PAQR8: variants seen among roughly 807,000 people sequenced by gnomAD.
PAQR8 encodes the protein membrane progestin receptor beta.
Under a neutral mutation model 25.2 loss-of-function variants are expected in PAQR8, and 17 were observed. That is an observed-to-expected ratio of 0.67 (90% confidence interval 0.46 to 1.01). The LOEUF (loss-of-function observed/expected upper bound fraction) is 1.01. Ranked by LOEUF, PAQR8 falls within the 50% of genes least tolerant of loss-of-function variation. The pLI is 0.00. For missense variants in PAQR8, 392 were observed against 448.4 expected (o/e 0.87, Z 1.14); for synonymous variants, 204 against 190.6 (o/e 1.07, Z -0.58).
chr6:52,387,119 T>TA (rs1386751037), intron 1 of PAQR8, among the ~76,000 whole-genome samples: 1 of 152,148 alleles, frequency 6.6e-6, no homozygotes, highest in East Asian at 1.9e-4. Flanking sequence ...TTACTACTTC[T>TA]AATTACAGAA....
intron 1 of PAQR8, among the ~76,000 whole-genome samples, chr6:52,376,398 G>A (rs62407860): frequency 0.12 from 18,607 of 152,210 alleles, 1,229 homozygotes; most frequent in Middle Eastern, 0.21. Context: ...GTATGCACTG[G>A]TGTGGTTTTC....
chr6:52,367,140 T>C (rs1426553913), intron 1 of PAQR8, among the ~76,000 whole-genome samples: 2 of 152,074 alleles, frequency 1.3e-5, no homozygotes, highest in Non-Finnish European at 2.9e-5. Flanking sequence ...TTTTTGATTG[T>C]CATACCTGGA....
At chr6:52,379,674 T>G (rs1162841621) in intron 1 of PAQR8, among the ~76,000 whole-genome samples, 1 of 143,336 alleles carries the variant, frequency 7.0e-6, no homozygotes, top group African/African-American at 2.6e-5. Context: ...TCCCCCAGGC[T>G]GGAGTGCAGT....
chr6:52,378,800 G>T (rs556393158), intron 1 of PAQR8, among the ~76,000 whole-genome samples: 2 of 146,070 alleles, frequency 1.4e-5, no homozygotes, highest in South Asian at 2.2e-4. Context: ...AAAAAAAAAG[G>T]GGGGGAAGAA....
intron 1 of PAQR8, among the ~76,000 whole-genome samples, chr6:52,396,185 C>T (rs1763765282): frequency 6.6e-6 from 1 of 152,148 alleles, no homozygotes; most frequent in Non-Finnish European, 1.5e-5. Context: ...ATGAAGAAAA[C>T]TGGGAGAGGC....
intron 1 of PAQR8, among the ~76,000 whole-genome samples, chr6:52,386,033 A>G (rs1160471337): frequency 6.6e-6 from 1 of 152,248 alleles, no homozygotes; most frequent in African/African-American, 2.4e-5. Flanking sequence ...AAAGTGGGCA[A>G]AGGAAATGAG....
rs889993113 is a variant in PAQR8 at position 52,404,373 on chromosome 6, A to G, written c.*95A>G. 54 of 1,122,382 alleles carry G rather than the reference A, an allele frequency of 4.8e-5. No homozygotes were observed. The highest frequency in any genetic ancestry group is 2.6e-5 in the Non-Finnish European group (21 of 799,892). 69.5% of individuals were successfully genotyped at this position (1,122,382 alleles called of 1,614,324 possible). ...TGACTTTTAAGGCATTGGCTTTTAA[A>G]TTAATACATATATCCAAGGATATGT... On this transcript the variant is annotated 3_prime_UTR_variant, in exon 2 of 2. Coordinates refer to ENST00000442253, the MANE Select transcript of PAQR8 (RefSeq NM_133367.5).
chr6:52,404,284 G>C lies in PAQR8; in HGVS notation c.*6G>C. ...TGACCAAGAAAGATTCCTGAGGCTGGCAAGTGGGGCAACGTGTGGAGGAAG... is the reference window on the plus strand; with the variant it reads ...TGACCAAGAAAGATTCCTGAGGCTGCCAAGTGGGGCAACGTGTGGAGGAAG... On this transcript the variant is annotated 3_prime_UTR_variant, in exon 2 of 2. Coordinates refer to ENST00000442253, the MANE Select transcript of PAQR8 (RefSeq NM_133367.5). 1 of 1,573,782 alleles carries C rather than the reference G, an allele frequency of 6.4e-7. No homozygotes were observed. The highest frequency in any genetic ancestry group is 8.7e-7 in the Non-Finnish European group (1 of 1,152,350).
Position 52,362,265 on chromosome 6 carries a change from G to C in PAQR8, c.-53+16G>C, listed in dbSNP as rs1490909026. 1 of 152,212 alleles carries C rather than the reference G, an allele frequency of 6.6e-6. No homozygotes were observed. Among genetic ancestry groups the C allele is most frequent in the Non-Finnish European group, 1.5e-5 (1 of 68,074 alleles). 9.4% of individuals were successfully genotyped at this position (152,212 alleles called of 1,614,324 possible). A position where few individuals can be genotyped will look rare whatever the true frequency, so the allele number is the denominator to read the frequency against. The stretch of plus-strand genomic sequence containing the variant: ...GCCCCTGCCGGTGAGTCCCGCCGCG[G>C]GAGGCGCGGAACGGGTCGAGTTGGG... On this transcript the variant is annotated intron_variant, in intron 1 of 1. Transcript: ENST00000442253. The surrounding 1 kb of genome is among the most constrained non-coding windows in gnomAD (Gnocchi z 4.1).
In PAQR8 at chr6:52,362,780, G is replaced by A. The variant is rs1763305724; in HGVS notation, c.-53+531G>A. Among the ~76,000 whole-genome samples, 1 of 152,184 alleles carries A rather than the reference G, an allele frequency of 6.6e-6. No homozygotes were observed. The highest frequency in any genetic ancestry group is 1.5e-5 in the Non-Finnish European group (1 of 68,024). On this transcript the variant is annotated intron_variant, in intron 1 of 1. Coordinates refer to ENST00000442253, the MANE Select transcript of PAQR8 (RefSeq NM_133367.5). This position sits in a 1 kb window ranked among gnomAD's most constrained non-coding sequence, Gnocchi z 4.1. ...GAGGAGAGGAAGCCCGGGGCGGTAG[G>A]GAGAGCCCGAGGAAGGGCAGCCCGA...
intron 1 of PAQR8, among the ~76,000 whole-genome samples, chr6:52,375,910 G>C (rs768589066): frequency 3.3e-5 from 5 of 152,216 alleles, no homozygotes; most frequent in Non-Finnish European, 7.3e-5. Flanking sequence ...TCAGTGGTTT[G>C]TCAGTAAGAC....
intron 1 of PAQR8, among the ~76,000 whole-genome samples, chr6:52,402,617 C>CAAAAAAAAAAAA (rs5876274): frequency 8.6e-6 from 1 of 115,888 alleles, no homozygotes; most frequent in Non-Finnish European, 1.7e-5. Context: ...AACTCTGTCT[C>CAAAAAAAAAAAA]AAAAAAAAAA....
intron 1 of PAQR8, among the ~76,000 whole-genome samples, chr6:52,373,857 C>T (rs1020201058): frequency 2.6e-5 from 4 of 151,630 alleles, no homozygotes; most frequent in Admixed American, 6.6e-5. Context: ...CTAGTTGATA[C>T]GGTTTAGATC....
rs1763902732 is a variant in PAQR8, at chr6:52,405,963, A to G, written c.*1685A>G. ...CAATCTATTTTGGCCACAAACAAAC[A>G]TATTCAACTGAAGCTTTCCAATAAT... On this transcript the variant is annotated 3_prime_UTR_variant, in exon 2 of 2. Transcript: ENST00000442253. 6.0e-6 allele frequency: 1 copy of G among 166,920 alleles called. No individual in the cohort carries two copies. The highest frequency in any genetic ancestry group is 1.5e-5 in the Non-Finnish European group (1 of 68,148). The allele number at this position is 166,920 out of a possible 1,614,324, so 10.3% of individuals were successfully genotyped here. A position where few individuals can be genotyped will look rare whatever the true frequency, so the allele number is the denominator to read the frequency against.
At chr6:52,389,988 C>A (rs1763681469) in intron 1 of PAQR8, among the ~76,000 whole-genome samples, 1 of 152,142 alleles carries the variant, frequency 6.6e-6, no homozygotes, top group Non-Finnish European at 1.5e-5. Flanking sequence ...TGTAGAAAGT[C>A]CAGGGAGACA....
chr6:52,402,812 A>C (rs923194387), intron 1 of PAQR8, among the ~76,000 whole-genome samples: 7 of 152,026 alleles, frequency 4.6e-5, no homozygotes, highest in African/African-American at 1.4e-4. Flanking sequence ...CTGGTGGCTC[A>C]CGCCTGTAAT....
intron 1 of PAQR8, among the ~76,000 whole-genome samples, chr6:52,367,259 A>C (rs1763364670): frequency 6.6e-6 from 1 of 152,226 alleles, no homozygotes; most frequent in Non-Finnish European, 1.5e-5. Flanking sequence ...GGTTCAAAAC[A>C]TCAGTAGTGC....
chr6:52,379,619 C>CTTTTTTTTTTTTTTTT lies in PAQR8; in HGVS notation c.-53+17380_-53+17395dup, dbSNP rs909812638. On this transcript the variant is annotated intron_variant, in intron 1 of 1. Transcript: ENST00000442253. Reference sequence around the variant, plus strand: ...GGTGCGTACCGCCACACCCAGCTTTCTTTTTTTTTTTTTTTTTTTTTTTTT... The same window carrying CTTTTTTTTTTTTTTTT: ...GGTGCGTACCGCCACACCCAGCTTTCTTTTTTTTTTTTTTTTTTTTTTTTTTTTTTTTTTTTTTTTT... Among the ~76,000 whole-genome samples the CTTTTTTTTTTTTTTTT allele has an allele frequency of 8.0e-4, 62 of 77,222 alleles. 5 individuals carry two copies. The highest frequency in any genetic ancestry group is 8.1e-3 in the Middle Eastern group (1 of 124). The allele number at this position is 77,222 out of a possible 152,430, so 50.7% of individuals were successfully genotyped here.
chr6:52,387,308 C>T (rs1249404076), intron 1 of PAQR8, among the ~76,000 whole-genome samples: 1 of 152,172 alleles, frequency 6.6e-6, no homozygotes, highest in Non-Finnish European at 1.5e-5. Flanking sequence ...CTAATACTTC[C>T]TTTTCATTCA....
Sources: allele counts gnomAD v4.1 joint callset (sites outside exome capture counted in the v4.1 genomes callset), GRCh38; gene constraint gnomAD v4.1.1; non-coding constraint Gnocchi (gnomAD v3.1); transcripts MANE v1.5; gene names NCBI Gene and HGNC (gene_info 2026-07-23, HGNC 2026-07-21).